The following FAM193A variants were observed in gnomAD, a reference collection of about 807,000 sequenced individuals.
FAM193A encodes family with sequence similarity 193 member A, also known as protein FAM193A.
In FAM193A, 22 loss-of-function variants were observed where a neutral mutation model predicts 126.5. The ratio of observed to expected loss-of-function variants is 0.17; its 90% confidence interval spans 0.12 to 0.25. The LOEUF is 0.25. Among genes scored for constraint, FAM193A ranks in the 10% least tolerant of loss-of-function variants. The pLI, the probability that FAM193A is intolerant of heterozygous loss-of-function variation, is 1.00. For synonymous variants in FAM193A, 761 were observed against 646.8 expected (o/e 1.18, Z -2.68); for missense variants, 1,675 against 1,672.8 (o/e 1.00, Z -0.02).
intron 2 of FAM193A, among the ~76,000 whole-genome samples, chr4:2,616,048 G>A (rs897711728): frequency 1.3e-5 from 2 of 152,076 alleles, no homozygotes; most frequent in African/African-American, 2.4e-5. Flanking sequence ...CAATCCGCCC[G>A]CCTCAGCCTC....
intron 19 of FAM193A, among the ~76,000 whole-genome samples, chr4:2,701,142 A>G (rs1041264065): frequency 1.3e-5 from 2 of 152,028 alleles, no homozygotes; most frequent in African/African-American, 4.8e-5. Flanking sequence ...AAATACTTCC[A>G]TGTATATTTC....
Position 2,693,674 on chromosome 4 carries a change from C to G in FAM193A, c.2892C>G (p.Leu964=), listed in dbSNP as rs768335365. ...ATAGCCCCACGGGCTTGGCCCCCCT[C>G]CCAGCGCTCTCGCCTGCTGCGCTGT... ...PRNSPTGLAP[L]PALSPAALSP... Residue 964 remains leucine (L), a synonymous_variant, in exon 16 of 21, where the codon CTC becomes CTG. Transcript: ENST00000637812. 1 of 1,614,130 alleles carries G rather than the reference C, an allele frequency of 6.2e-7. No individual in the cohort carries two copies. Among genetic ancestry groups the G allele is most frequent in the Non-Finnish European group, 8.5e-7 (1 of 1,179,948 alleles).
At chr4:2,731,735 C>T (rs1721419560) in intron 20 of FAM193A, 40 bp from the exon 21 acceptor site, 1 of 1,506,950 alleles carries the variant, frequency 6.6e-7, no homozygotes, top group African/African-American at 1.4e-5. Flanking sequence ...TGGTTGTGGG[C>T]TGTTTCCTTC....
intron 1 of FAM193A, among the ~76,000 whole-genome samples, chr4:2,553,352 TTAAG>T (rs1265570897): frequency 6.6e-6 from 1 of 150,876 alleles, no homozygotes; most frequent in Non-Finnish European, 1.5e-5. Context: ...TCTAAAATAA[TTAAG>T]TAAAGTTCTA....
intron 2 of FAM193A, among the ~76,000 whole-genome samples, chr4:2,623,687 G>A (rs764877110): frequency 3.4e-4 from 52 of 152,250 alleles, no homozygotes; most frequent in Non-Finnish European, 1.9e-4. Context: ...GTGAGCCCCA[G>A]GCTCCTTGCC....
chr4:2,707,911 A>C (rs776222914), intron 19 of FAM193A, among the ~76,000 whole-genome samples: 1 of 151,858 alleles, frequency 6.6e-6, no homozygotes, highest in African/African-American at 2.4e-5. Context: ...CAGCACACTC[A>C]ACTAATTTTT....
chr4:2,551,343 A>C (rs1737906064), intron 1 of FAM193A, among the ~76,000 whole-genome samples: 1 of 152,238 alleles, frequency 6.6e-6, no homozygotes. Context: ...TGAAATCAGA[A>C]ATGTTCCAGT....
chr4:2,719,766 TCCTTCCTCCCTC>T (rs1360739281), intron 20 of FAM193A, among the ~76,000 whole-genome samples: 4 of 120,764 alleles, frequency 3.3e-5, no homozygotes, highest in Admixed American at 1.0e-4. Context: ...AAATCCTCCT[TCCTTCCTCCCTC>T]CCTCCCTCCC....
chr4:2,611,792 A>G (rs1577072971), intron 2 of FAM193A, among the ~76,000 whole-genome samples: 1 of 151,984 alleles, frequency 6.6e-6, no homozygotes, highest in East Asian at 1.9e-4. Flanking sequence ...TTCATTATAC[A>G]GCACTGTCCT....
chr4:2,581,680 C>T (rs1440995912), intron 1 of FAM193A, among the ~76,000 whole-genome samples: 1 of 152,022 alleles, frequency 6.6e-6, no homozygotes, highest in Non-Finnish European at 1.5e-5. Flanking sequence ...GAGTCTCGCT[C>T]TGTCTTGCTC....
intron 7 of FAM193A, among the ~76,000 whole-genome samples, chr4:2,651,272 G>A (rs1560523038): frequency 6.6e-6 from 1 of 152,156 alleles, no homozygotes; most frequent in East Asian, 1.9e-4. Context: ...AGAGGTTGGG[G>A]TGAGCTGAGA....
rs963057962 is a variant in FAM193A, at chr4:2,595,204, A to G, written c.256-880A>G. On this transcript the variant is annotated intron_variant, in intron 1 of 20. Coordinates refer to ENST00000637812, the MANE Select transcript of FAM193A (RefSeq NM_001366318.2). ...GCTGGGACTACAGGCACGCACCACT[A>G]TGCCTGGCTAATAGTTGGATTTTTT... 3.9e-5 allele frequency among the ~76,000 whole-genome samples: 6 copies of G among 152,032 alleles called. No individual in the cohort carries two copies. The East Asian group carries it at 5.8e-4, about 15-fold the overall frequency.
intron 13 of FAM193A, among the ~76,000 whole-genome samples, chr4:2,676,365 T>C (rs894034232): frequency 2.6e-5 from 4 of 152,368 alleles, no homozygotes; most frequent in Admixed American, 1.3e-4. Context: ...TTTTGTCTTG[T>C]GTAAATGACC....
intron 13 of FAM193A, among the ~76,000 whole-genome samples, chr4:2,676,865 C>T (rs1415717893): frequency 2.6e-5 from 4 of 151,874 alleles, no homozygotes; most frequent in East Asian, 1.9e-4. Context: ...GGCGTGAACC[C>T]GGAAGGTGGA....
chr4:2,544,712 A>G (rs1356120439), intron 1 of FAM193A, among the ~76,000 whole-genome samples: 1 of 151,858 alleles, frequency 6.6e-6, no homozygotes, highest in African/African-American at 2.4e-5. Context: ...TCTGAAAGAA[A>G]AAAAGAATTA....
intron 14 of FAM193A, 142 bp downstream of exon 14, chr4:2,689,846 C>T (rs1291850878): frequency 1.3e-5 from 8 of 595,582 alleles, no homozygotes; most frequent in South Asian, 1.1e-4. Flanking sequence ...GGAGGCCCCT[C>T]GGGGCTGTCA....
intron 19 of FAM193A, among the ~76,000 whole-genome samples, chr4:2,702,729 A>G (rs374617560): frequency 3.3e-4 from 50 of 152,312 alleles, no homozygotes; most frequent in Admixed American, 4.6e-4. Context: ...GCTGAGTCCT[A>G]CAACACAGGT....
At chr4:2,637,751 G>A (rs996272650) in intron 5 of FAM193A, among the ~76,000 whole-genome samples, 1 of 152,184 alleles carries the variant, frequency 6.6e-6, no homozygotes, top group South Asian at 2.1e-4. Flanking sequence ...CTGGTTCCAC[G>A]CCTGTCGATG....
At chr4:2,564,838 T>C (rs1738837974) in intron 1 of FAM193A, among the ~76,000 whole-genome samples, 1 of 152,096 alleles carries the variant, frequency 6.6e-6, no homozygotes, top group Non-Finnish European at 1.5e-5. Flanking sequence ...AGGGACTCAC[T>C]CTTGTCGCCC....
Sources: gnomAD v4.1 joint callset for allele counts (sites outside exome capture counted in the v4.1 genomes callset) on GRCh38, gnomAD v4.1.1 for gene constraint, MANE v1.5 for transcripts, NCBI Gene and HGNC (gene_info 2026-07-23, HGNC 2026-07-21) for gene names.